THSD4: variants seen among roughly 807,000 people sequenced by gnomAD.
The protein encoded by THSD4 is thrombospondin type 1 domain containing 4.
A neutral mutation model predicts 119.0 loss-of-function variants in THSD4; 69 were observed. The observed-to-expected ratio is 0.58, with a 90% CI of 0.48 to 0.71. The LOEUF is 0.71. Ranked by LOEUF, THSD4 falls within the 30% of genes least tolerant of loss-of-function variation. The pLI is 0.00. For missense variants in THSD4, 1,393 were observed against 1,391.1 expected (o/e 1.00, Z -0.02); for synonymous variants, 524 against 540.4 (o/e 0.97, Z 0.42).
intron 8 of THSD4, among the ~76,000 whole-genome samples, chr15:71,720,580 A>C (rs964194101): frequency 3.3e-5 from 5 of 152,238 alleles, no homozygotes; most frequent in African/African-American, 1.2e-4. Flanking sequence ...GTTGGAGGTT[A>C]GTGAAAAGAA....
intron 7 of THSD4, among the ~76,000 whole-genome samples, chr15:71,471,214 GCTT>G (rs1438095654): frequency 2.0e-5 from 3 of 152,082 alleles, no homozygotes; most frequent in Non-Finnish European, 4.4e-5. Context: ...CACTCAACCA[GCTT>G]CCCTTGGATG....
chr15:71,637,087 A>G (rs2050759550), intron 7 of THSD4, among the ~76,000 whole-genome samples: 1 of 151,926 alleles, frequency 6.6e-6, no homozygotes, highest in Admixed American at 6.6e-5. Flanking sequence ...GGGTTTCACC[A>G]TGTTGGCCAG....
intron 6 of THSD4, among the ~76,000 whole-genome samples, chr15:71,261,605 G>A (rs1397492799): frequency 1.3e-5 from 2 of 152,082 alleles, no homozygotes; most frequent in African/African-American, 2.4e-5. Context: ...GGGTACTTGG[G>A]TTAGCTCAGG....
intron 6 of THSD4, among the ~76,000 whole-genome samples, chr15:71,410,848 A>G (rs1279699437): frequency 6.6e-6 from 1 of 152,054 alleles, no homozygotes; most frequent in East Asian, 1.9e-4. Flanking sequence ...CCTGGCCAAC[A>G]TGGTGAAACC....
intron 7 of THSD4, among the ~76,000 whole-genome samples, chr15:71,585,143 T>G (rs2049640419): frequency 6.6e-6 from 1 of 152,234 alleles, no homozygotes; most frequent in Admixed American, 6.5e-5. Flanking sequence ...ATTGGGTTAT[T>G]CTGATTTTTG....
chr15:71,567,603 CA>C (rs34718214), intron 7 of THSD4, among the ~76,000 whole-genome samples: 27,174 of 137,476 alleles, frequency 0.2, 3,204 homozygotes, highest in East Asian at 0.43. Context: ...GACACCCCCC[CA>C]CACACACACA....
Position 71,774,310 on chromosome 15 carries a change from CAAA to C in THSD4, c.2915-2907_2915-2905del, listed in dbSNP as rs11448201. 4.1e-5 allele frequency among the ~76,000 whole-genome samples: 3 copies of C among 73,908 alleles called. No homozygotes were observed. The East Asian group carries it at 1.1e-3, about 26-fold the overall frequency. The allele number at this position is 73,908 out of a possible 152,430, so 48.5% of individuals were successfully genotyped here. On this transcript the variant is annotated intron_variant, in intron 17 of 17. Coordinates refer to ENST00000261862, the MANE Select transcript of THSD4 (RefSeq NM_024817.3). Reference sequence around the variant, plus strand: ...TGAGTGACAGAGTGAGACTCTGTCTCAAAAAAAAAAAAAAAAACTACAAGAGGC... The same window carrying C: ...TGAGTGACAGAGTGAGACTCTGTCTCAAAAAAAAAAAAAACTACAAGAGGC...
At chr15:71,204,639 C>T (rs12594546) in intron 3 of THSD4, among the ~76,000 whole-genome samples, 10,714 of 152,198 alleles carry the variant, frequency 0.07, 427 homozygotes, top group East Asian at 0.17. Context: ...AAGAGAGGGA[C>T]GGCAGACTTG....
At chr15:71,117,508 T>A (rs1596206442) in intron 1 of THSD4, among the ~76,000 whole-genome samples, 1 of 152,202 alleles carries the variant, frequency 6.6e-6, no homozygotes, top group South Asian at 2.1e-4. Flanking sequence ...TCCCATTCTG[T>A]CCCCCACATT....
At chr15:71,487,930 T>C (rs1402368636) in intron 7 of THSD4, among the ~76,000 whole-genome samples, 1 of 152,156 alleles carries the variant, frequency 6.6e-6, no homozygotes, top group African/African-American at 2.4e-5. Context: ...TTTGGGTGTT[T>C]GATGTATGTA....
rs547046774 is a variant in THSD4, at chr15:71,356,600, GAGAA to G, written c.1016-55083_1016-55080del. Among the ~76,000 whole-genome samples, 790 of 152,278 alleles carry G rather than the reference GAGAA, an allele frequency of 5.2e-3. 6 individuals are homozygous for G. The highest frequency in any genetic ancestry group is 7.9e-3 in the Non-Finnish European group (539 of 68,024). Reference sequence around the variant, plus strand: ...AAAGGGAGAAAAGGAGGGGAGGAAAGAGAAAGAGAGAGTGAAGGAAGGCAGGGAG... The same window carrying G: ...AAAGGGAGAAAAGGAGGGGAGGAAAGAGAGAGAGTGAAGGAAGGCAGGGAG... On this transcript the variant is annotated intron_variant, in intron 6 of 17. Coordinates refer to ENST00000261862, the MANE Select transcript of THSD4 (RefSeq NM_024817.3).
chr15:71,176,195 G>A (rs1320644298), intron 3 of THSD4, among the ~76,000 whole-genome samples: 2 of 135,912 alleles, frequency 1.5e-5, no homozygotes, highest in African/African-American at 5.6e-5. Context: ...AGACTGGCAA[G>A]TTGGATAAAG....
chr15:71,722,182 A>G (rs1472068539), intron 8 of THSD4, among the ~76,000 whole-genome samples: 2 of 152,144 alleles, frequency 1.3e-5, no homozygotes, highest in African/African-American at 4.8e-5. Flanking sequence ...GCTTGCAGGC[A>G]TATAAATTGT....
chr15:71,201,828 T>C (rs1399679606), intron 3 of THSD4, among the ~76,000 whole-genome samples: 1 of 152,130 alleles, frequency 6.6e-6, no homozygotes, highest in Non-Finnish European at 1.5e-5. Flanking sequence ...CTGCTGTACA[T>C]ATGGTTCACG....
intron 3 of THSD4, chr15:71,183,254 A>C (rs555923374): frequency 2.0e-5 from 3 of 151,702 alleles, no homozygotes; most frequent in Non-Finnish European, 2.9e-5. Flanking sequence ...TTAATTCACT[A>C]CCACGAGAAT....
chr15:71,660,764 G>A (rs778132350), intron 8 of THSD4, 30 bp downstream of exon 8: 20 of 1,605,538 alleles, frequency 1.2e-5, no homozygotes, highest in East Asian at 2.2e-5. Flanking sequence ...AGAGAAAACC[G>A]TCTGTCCCTG....
chr15:71,689,054 A>T (rs1021031080), intron 8 of THSD4, among the ~76,000 whole-genome samples: 4 of 152,212 alleles, frequency 2.6e-5, no homozygotes, highest in Non-Finnish European at 4.4e-5. Context: ...CACACTCTGC[A>T]ACTGTATCCA....
chr15:71,515,273 T>C (rs1290602507), intron 7 of THSD4, among the ~76,000 whole-genome samples: 1 of 152,234 alleles, frequency 6.6e-6, no homozygotes, highest in East Asian at 1.9e-4. Context: ...TTTGATGTTG[T>C]CTAGCTCCAT....
chr15:71,216,633 C>A lies in THSD4; in HGVS notation c.464+1234C>A, dbSNP rs1194050650. ...AAGAACAGTGAGTTCCAAGACTGAG[C>A]ATGGAGGGGGAAGGAGAGAGGCAGC... On this transcript the variant is annotated intron_variant, in intron 4 of 17. Coordinates refer to ENST00000261862, the MANE Select transcript of THSD4 (RefSeq NM_024817.3). Among the ~76,000 whole-genome samples the A allele has an allele frequency of 3.9e-5, 6 of 152,200 alleles. 1 individual carries two copies. The highest frequency in any genetic ancestry group is 3.9e-4 in the Admixed American group (6 of 15,282).
Sources: allele counts gnomAD v4.1 joint callset (sites outside exome capture counted in the v4.1 genomes callset), GRCh38; gene constraint gnomAD v4.1.1; transcripts MANE v1.5; gene names NCBI Gene and HGNC (gene_info 2026-07-23, HGNC 2026-07-21).